Variants in MYO15B observed in about 807,000 individuals in gnomAD.
The protein encoded by MYO15B is myosin XVB pseudogene.
In MYO15B, 207 loss-of-function variants were observed where a neutral mutation model predicts 119.3. That is an observed-to-expected ratio of 1.73 (90% confidence interval 1.55 to 1.95). The LOEUF (loss-of-function observed/expected upper bound fraction) is 1.95. Among genes scored for constraint, MYO15B ranks in the 30% most tolerant of loss-of-function variants. The pLI is 0.00. For missense variants in MYO15B, 2,264 were observed against 1,203.1 expected, an observed-to-expected ratio of 1.88 and a Z score of -13.04; for synonymous variants, 966 against 498.9, an observed-to-expected ratio of 1.94 and a Z score of -12.48.
chr17:75,604,901 G>A (rs1016027366), intron 19 of MYO15B, among the ~76,000 whole-genome samples: 2 of 152,164 alleles, frequency 1.3e-5, no homozygotes, highest in East Asian at 1.9e-4. Context: ...CACTTTGGGA[G>A]GCCAAGGCAG....
exon 1 of MYO15B, chr17:75,588,414 A>G (rs2056198409): frequency 1.5e-5 from 6 of 398,418 alleles, no homozygotes; most frequent in Non-Finnish European, 2.7e-5. Context: ...CCGGAGGAGA[A>G]GAGCTGGGCG....
exon 1 of MYO15B, chr17:75,588,747 G>A (rs1256370135): frequency 2.5e-6 from 1 of 398,364 alleles, no homozygotes; most frequent in African/African-American, 2.1e-5. Context: ...CGGGGCCCCT[G>A]GGAGCCAGCG....
intron 37 of MYO15B, 47 bp downstream of exon 37, chr17:75,616,194 C>T (rs1176719448): frequency 1.8e-6 from 1 of 571,188 alleles, no homozygotes. Context: ...ATGGCCAGTG[C>T]CCCTGGCCCG....
rs1267697983 is a variant in MYO15B, at chr17:75,602,820, A to AC, written c.3730-5dup. On this transcript the variant is annotated splice_polypyrimidine_tract_variant and intron_variant, in intron 16 of 63. Coordinates refer to ENST00000645453, the Ensembl canonical transcript of MYO15B. Reference sequence around the variant, plus strand: ...CAGCGGCCAGCTGACTCAGCCCTTCACCCCCACAGCTGGTGGGCAGCCTGT... The same window carrying AC: ...CAGCGGCCAGCTGACTCAGCCCTTCACCCCCCACAGCTGGTGGGCAGCCTGT... 2 of 615,188 alleles carry AC rather than the reference A, an allele frequency of 3.3e-6. No homozygotes were observed. Among genetic ancestry groups the AC allele is most frequent in the Non-Finnish European group, 5.8e-6 (2 of 344,640 alleles). The allele number at this position is 615,188 out of a possible 1,614,324, so 38.1% of individuals were successfully genotyped here.
chr17:75,624,396 T>C lies in MYO15B; in HGVS notation c.8394T>C (p.Leu2798=), dbSNP rs745861260. Residue 2798 remains leucine, a synonymous_variant, in exon 57 of 64, where the codon CTT becomes CTC. Transcript: ENST00000645453. ...AAGGACAAGCGATTCGCCTGCTTCT[T>C]ATTCACCTGCCGGGGGGTGTGGATT... 34 of 702,398 alleles carry C rather than the reference T, an allele frequency of 4.8e-5. No individual in the cohort carries two copies. The South Asian group carries it at 5.1e-4, about 10-fold the overall frequency. The allele number at this position is 702,398 out of a possible 1,614,324, so 43.5% of individuals were successfully genotyped here.
At chr17:75,596,323 T>C in intron 12 of MYO15B, 137 bp from the exon 13 acceptor site, 1 of 618,580 alleles carries the variant, frequency 1.6e-6, no homozygotes, top group Non-Finnish European at 2.9e-6. Context: ...CCGGATCCTT[T>C]AGACTTGACC....
intron 21 of MYO15B, among the ~76,000 whole-genome samples, chr17:75,608,228 C>T (rs545390733): frequency 1.3e-5 from 2 of 152,146 alleles, no homozygotes; most frequent in South Asian, 2.1e-4. Context: ...AAGCCATTCT[C>T]CTGCCTCAGC....
chr17:75,606,160 ACT>A (rs2057633979), intron 21 of MYO15B, 139 bp downstream of exon 21: 1 of 560,898 alleles, frequency 1.8e-6, no homozygotes, highest in Non-Finnish European at 3.2e-6. Flanking sequence ...TCGGCATGTG[ACT>A]CTCCTTGACG....
At chr17:75,609,336 T>C (rs984198514) in intron 21 of MYO15B, among the ~76,000 whole-genome samples, 12 of 151,540 alleles carry the variant, frequency 7.9e-5, no homozygotes, top group Admixed American at 7.2e-4. Flanking sequence ...CATGCCTGGC[T>C]AATTTAAAAA....
At chr17:75,602,374 T>C (rs1439241424) in intron 15 of MYO15B, 143 bp from the exon 16 acceptor site, 2 of 700,524 alleles carry the variant, frequency 2.9e-6, no homozygotes, top group East Asian at 5.4e-5. Context: ...CAAGGCTAGG[T>C]AAAGGGCTGG....
intron 12 of MYO15B, among the ~76,000 whole-genome samples, chr17:75,596,143 G>A (rs912540225): frequency 2.0e-5 from 3 of 152,200 alleles, no homozygotes; most frequent in Admixed American, 1.3e-4. Flanking sequence ...ATGAGGATGC[G>A]GGACTCTGAT....
In MYO15B at chr17:75,615,227, C is replaced by T. The variant is rs1249854981; in HGVS notation, c.5642-13C>T. On this transcript the variant is annotated splice_polypyrimidine_tract_variant and intron_variant, in intron 33 of 63. Transcript: ENST00000645453. Reference sequence around the variant, plus strand: ...CCCAGGCAGGGACTGACAGGGAGGGCGTGTTCCCTCAGTGTACCCAGGAAT... The same window carrying T: ...CCCAGGCAGGGACTGACAGGGAGGGTGTGTTCCCTCAGTGTACCCAGGAAT... 9 of 699,882 alleles carry T rather than the reference C, an allele frequency of 1.3e-5. No homozygotes were observed. Among genetic ancestry groups the T allele is most frequent in the East Asian group, 8.1e-5 (3 of 37,188 alleles). 43.4% of individuals were successfully genotyped at this position (699,882 alleles called of 1,614,324 possible).
At chr17:75,613,731 T>A (rs2058179196) in exon 29 of MYO15B, 1 of 701,374 alleles carries the variant, frequency 1.4e-6, no homozygotes, top group Non-Finnish European at 2.6e-6. Context: ...CGAGGTGGAG[T>A]CTTGGACCAC....
At chr17:75,626,665 C>G (rs1568248153) in exon 64 of MYO15B, among the ~76,000 whole-genome samples, 2 of 152,386 alleles carry the variant, frequency 1.3e-5, no homozygotes, top group African/African-American at 4.8e-5. Flanking sequence ...GCAAAGAAAA[C>G]AGCCAGACCC....
At chr17:75,595,222 G>A (rs778956896) in intron 12 of MYO15B, among the ~76,000 whole-genome samples, 2 of 152,172 alleles carry the variant, frequency 1.3e-5, no homozygotes, top group Admixed American at 1.3e-4. Context: ...CTGTCTGCGC[G>A]CCTTGGAGTT....
At chr17:75,592,798 C>T (rs143743641) in exon 9 of MYO15B, 105 of 702,772 alleles carry the variant, frequency 1.5e-4, no homozygotes, top group African/African-American at 1.4e-3. Context: ...CTGTGCTGGC[C>T]GCCATCCTGC....
chr17:75,599,098 A>G (rs1021000814), intron 14 of MYO15B, among the ~76,000 whole-genome samples: 3 of 152,110 alleles, frequency 2.0e-5, no homozygotes, highest in Admixed American at 2.0e-4. Flanking sequence ...GGGTCTCCCT[A>G]TGTTGCCCAG....
rs866796042 is a variant in MYO15B at position 75,588,619 on chromosome 17, G to A, written c.562G>A (p.Asp188Asn). ...GCTGCGGCCCACGCCGGAGCCTACG[G>A]ACATGGGCTCGGAAGGGACAAAAAC... Residue 188 changes from aspartate (D) to asparagine (N), a missense_variant, in exon 1 of 64, where the codon GAC (aspartate) becomes AAC (asparagine). Coordinates refer to ENST00000645453, the Ensembl canonical transcript of MYO15B. The A allele has an allele frequency of 2.0e-5, 8 of 400,046 alleles. No homozygotes were observed. In the Middle Eastern group the frequency reaches 1.9e-3, roughly 94 times the overall value. The allele number at this position is 400,046 out of a possible 1,614,324, so 24.8% of individuals were successfully genotyped here. A position where few individuals can be genotyped will look rare whatever the true frequency, so the allele number is the denominator to read the frequency against.
At chr17:75,606,071 G>A in intron 21 of MYO15B, 50 bp downstream of exon 21, 1 of 634,332 alleles carries the variant, frequency 1.6e-6, no homozygotes, top group Non-Finnish European at 2.9e-6. Context: ...GAGGCCGTGG[G>A]TTCGTCCTCC....
Sources: allele counts gnomAD v4.1 joint callset (sites outside exome capture counted in the v4.1 genomes callset), GRCh38; gene constraint gnomAD v4.1.1; transcripts MANE v1.5; gene names NCBI Gene and HGNC (gene_info 2026-07-23, HGNC 2026-07-21).